Variants in PLCE1 observed in about 807,000 individuals in gnomAD.
The protein encoded by PLCE1 is phospholipase C epsilon 1, also known as 1-phosphatidylinositol 4,5-bisphosphate phosphodiesterase epsilon-1.
A neutral mutation model predicts 242.8 loss-of-function variants in PLCE1; 119 were observed. The ratio of observed to expected loss-of-function variants is 0.49; its 90% confidence interval spans 0.42 to 0.57. The LOEUF (loss-of-function observed/expected upper bound fraction) is 0.57, where lower values mean the gene tolerates loss of function less well. PLCE1 is among the 20% of genes least tolerant of loss of function. PLCE1 has a pLI of 0.00. For missense variants in PLCE1, 2,441 were observed against 2,788.8 expected, an observed-to-expected ratio of 0.88 and a Z score of 2.81; for synonymous variants, 945 against 1,017.4, an observed-to-expected ratio of 0.93 and a Z score of 1.35.
rs547238642 is a variant in PLCE1 at position 94,224,711 on chromosome 10, T to G, written c.1810-2595T>G. Among the ~76,000 whole-genome samples, 4 of 152,358 alleles carry G rather than the reference T, an allele frequency of 2.6e-5. No homozygotes were observed. In the South Asian group the frequency reaches 8.3e-4, roughly 32 times the overall value. On this transcript the variant is annotated intron_variant, in intron 4 of 32. Transcript: ENST00000371380. ...TAGGATAGGGCTCATCAAAAGCCAG[T>G]CAGACTAAAGGAAGAATTAGATGGA...
chr10:94,240,549 G>T (rs990712258), intron 7 of PLCE1, among the ~76,000 whole-genome samples: 2 of 152,108 alleles, frequency 1.3e-5, no homozygotes, highest in African/African-American at 4.8e-5. Flanking sequence ...AAAGGACATA[G>T]ATTTACTTCT....
intron 3 of PLCE1, among the ~76,000 whole-genome samples, chr10:94,170,964 A>C (rs184706914): frequency 6.6e-6 from 1 of 151,986 alleles, no homozygotes; most frequent in African/African-American, 2.4e-5. Context: ...TACCACCACC[A>C]CCACCGCCAC....
At chr10:94,210,157 T>A (rs904091478) in intron 4 of PLCE1, among the ~76,000 whole-genome samples, 1 of 152,112 alleles carries the variant, frequency 6.6e-6, no homozygotes, top group Admixed American at 6.5e-5. Context: ...TGGTATAAGA[T>A]GTCACGTTTT....
At chr10:94,253,634 C>G (rs2050960335) in intron 9 of PLCE1, among the ~76,000 whole-genome samples, 1 of 151,614 alleles carries the variant, frequency 6.6e-6, no homozygotes. Context: ...GGATTACAGG[C>G]ATGAGCCACC....
chr10:94,014,251 C>T (rs763035691), intron 1 of PLCE1, among the ~76,000 whole-genome samples: 1 of 152,082 alleles, frequency 6.6e-6, no homozygotes, highest in Non-Finnish European at 1.5e-5. Flanking sequence ...AGGTTAGGAT[C>T]CTGCCATCTT....
chr10:94,249,672 A>G (rs1264589393), intron 8 of PLCE1, among the ~76,000 whole-genome samples: 1 of 152,204 alleles, frequency 6.6e-6, no homozygotes, highest in Admixed American at 6.5e-5. Flanking sequence ...GAGATAACAC[A>G]GAAGACAAGA....
At chr10:94,324,241 C>A in intron 30 of PLCE1, 108 bp from the exon 31 acceptor site, 1 of 837,354 alleles carries the variant, frequency 1.2e-6, no homozygotes, top group Non-Finnish European at 2.1e-6. Context: ...GGAAGATCCC[C>A]TTCATCTCTA....
chr10:94,159,126 T>C (rs985966962), intron 3 of PLCE1, among the ~76,000 whole-genome samples: 2 of 152,190 alleles, frequency 1.3e-5, no homozygotes, highest in African/African-American at 2.4e-5. Flanking sequence ...TTCTGTCTGG[T>C]AGATTGTTTC....
intron 2 of PLCE1, among the ~76,000 whole-genome samples, chr10:94,085,342 G>T (rs962072892): frequency 1.1e-4 from 17 of 152,140 alleles, no homozygotes; most frequent in African/African-American, 4.1e-4. Context: ...AGACAAGGAG[G>T]AGGAGGGGAG....
intron 2 of PLCE1, chr10:94,105,451 C>T (rs142733461): frequency 6.6e-6 from 1 of 152,262 alleles, no homozygotes; most frequent in East Asian, 1.9e-4. Flanking sequence ...TCACCACTCA[C>T]CCAAACAATA....
intron 2 of PLCE1, among the ~76,000 whole-genome samples, chr10:94,128,853 A>G (rs2046512861): frequency 6.6e-6 from 1 of 152,266 alleles, no homozygotes; most frequent in African/African-American, 2.4e-5. Flanking sequence ...GGGCACTGGC[A>G]TCCAGTGGAG....
At chr10:94,221,481 A>G (rs113398245) in intron 4 of PLCE1, among the ~76,000 whole-genome samples, 4,064 of 152,352 alleles carry the variant, frequency 0.027, 105 homozygotes, top group African/African-American at 0.073. Flanking sequence ...TCACGCCTGG[A>G]ATCCCAGCAC....
At chr10:94,016,282 C>T (rs894642447) in intron 1 of PLCE1, among the ~76,000 whole-genome samples, 1 of 151,886 alleles carries the variant, frequency 6.6e-6, no homozygotes, top group Admixed American at 6.6e-5. Context: ...TGTCCCTTAT[C>T]TGAAATACTT....
chr10:94,079,800 G>A (rs1179786212), intron 2 of PLCE1, among the ~76,000 whole-genome samples: 1 of 152,142 alleles, frequency 6.6e-6, no homozygotes, highest in Admixed American at 6.5e-5. Flanking sequence ...TTTTTTAGCT[G>A]TTGCTGACAT....
chr10:94,213,335 A>C (rs1189682736), intron 4 of PLCE1, among the ~76,000 whole-genome samples: 2 of 152,238 alleles, frequency 1.3e-5, no homozygotes, highest in Admixed American at 1.3e-4. Flanking sequence ...AGCCAATGTC[A>C]TGTGATGTGG....
chr10:94,077,535 G>A (rs1261352854), intron 2 of PLCE1, among the ~76,000 whole-genome samples: 3 of 152,188 alleles, frequency 2.0e-5, no homozygotes, highest in Non-Finnish European at 2.9e-5. Context: ...CAAGGTGAGA[G>A]AATCGCTTAA....
chr10:94,327,550 TAG>T (rs1258649126), intron 32 of PLCE1, among the ~76,000 whole-genome samples: 1 of 152,134 alleles, frequency 6.6e-6, no homozygotes, highest in African/African-American at 2.4e-5. Flanking sequence ...AAAAGAAAGT[TAG>T]TTTAGTATTG....
In PLCE1 at chr10:94,306,476, G is replaced by C. The variant is rs759125453; in HGVS notation, c.5672G>C (p.Cys1891Ser). ...CCCAGTAATAGCATGGGAAGCCCGT[G>C]CATTGAAGTCGACGTCCTGGGCATG... ...VCPSNSMGSP[C>S]IEVDVLGMPL... Residue 1891 changes from cysteine (C) to serine (S), a missense_variant, in exon 26 of 33, where the codon TGC (cysteine) becomes TCC (serine). Cys to Ser is a moderately radical substitution (Grantham distance 112). Around this residue, in one of 5 missense-constraint regions of PLCE1, gnomAD observed 1,004 missense variants for 1,322.7 expected, o/e 0.76. Transcript: ENST00000371380. The surrounding 1 kb of genome is among the most constrained non-coding windows in gnomAD (Gnocchi z 5.7). 1.9e-6 allele frequency: 3 copies of C among 1,614,138 alleles called. No individual in the cohort carries two copies. In the South Asian group the frequency reaches 3.3e-5, roughly 18 times the overall value.
chr10:94,041,055 C>G (rs891779972), intron 2 of PLCE1, among the ~76,000 whole-genome samples: 1 of 151,974 alleles, frequency 6.6e-6, no homozygotes, highest in Admixed American at 6.6e-5. Flanking sequence ...CTTTGCCTAT[C>G]CTTGGCTTAG....
Sources: allele counts gnomAD v4.1 joint callset (sites outside exome capture counted in the v4.1 genomes callset), GRCh38; gene constraint gnomAD v4.1.1; regional missense constraint gnomAD v4.1.1; non-coding constraint Gnocchi (gnomAD v3.1); transcripts MANE v1.5; gene names NCBI Gene and HGNC (gene_info 2026-07-23, HGNC 2026-07-21).